The following MAPKAPK3 variants were observed in gnomAD, a reference collection of about 807,000 sequenced individuals.
MAPKAPK3 encodes MAPK activated protein kinase 3, also known as MAP kinase-activated protein kinase 3.
MAPKAPK3 carries 35 observed loss-of-function variants against 49.2 expected under a neutral mutation model. The ratio of observed to expected loss-of-function variants is 0.71; its 90% CI spans 0.54 to 0.94. The LOEUF is 0.94. MAPKAPK3 is among the 40% of genes least tolerant of loss of function. The pLI is 0.00. For synonymous variants in MAPKAPK3, 178 were observed against 188.7 expected, an observed-to-expected ratio of 0.94 and a Z score of 0.46; for missense variants, 398 against 493.1, an observed-to-expected ratio of 0.81 and a Z score of 1.83.
chr3:50,623,657 C>G (rs2032665054), intron 2 of MAPKAPK3, among the ~76,000 whole-genome samples: 1 of 152,248 alleles, frequency 6.6e-6, no homozygotes, highest in South Asian at 2.1e-4. Flanking sequence ...TCTTATCACT[C>G]CCATTATATG....
intron 8 of MAPKAPK3, 93 bp from the exon 9 acceptor site, chr3:50,646,647 C>T: frequency 8.9e-7 from 1 of 1,128,378 alleles, no homozygotes; most frequent in South Asian, 1.3e-5. Flanking sequence ...GCACATGCAG[C>T]CCCTGCCCCA....
In MAPKAPK3 at chr3:50,617,708, A is replaced by C. The variant is rs1375464774; in HGVS notation, c.143A>C (p.Gln48Pro). The C allele has an allele frequency of 8.7e-6, 14 of 1,613,518 alleles. No homozygotes were observed. Among genetic ancestry groups the C allele is most frequent in the African/African-American group, 1.3e-5 (1 of 74,926 alleles). ...AVTDDYQLSK[Q>P]VLGLGVNGKV... ...ACCGACGACTACCAGTTGTCCAAGC[A>C]GGTGCTGGGCCTGGGTGTGAACGGC... Residue 48 changes from glutamine (Q) to proline (P), a missense_variant, in exon 2 of 11, where the codon CAG becomes CCG. Physicochemically the swap from Gln to Pro is moderately conservative, Grantham distance 76. This residue lies in a region of MAPKAPK3 where 123 missense variants were observed against 117.7 expected (regional missense o/e 1.04). Coordinates refer to ENST00000621469, the MANE Select transcript of MAPKAPK3 (RefSeq NM_001243925.2).
intron 2 of MAPKAPK3, among the ~76,000 whole-genome samples, chr3:50,629,433 A>G (rs996075654): frequency 6.6e-6 from 1 of 152,186 alleles, no homozygotes. Flanking sequence ...CATGGCCCCC[A>G]ATACCTTCAG....
At chr3:50,617,111 G>GT (rs2032484933), upstream of MAPKAPK3, 1 of 102,014 alleles carries the variant, frequency 9.8e-6, no homozygotes, top group African/African-American at 3.7e-5. Context: ...GGAGGGGGGG[G>GT]TGGGGAGGGG....
At chr3:50,640,771 TG>T (rs1480634323) in intron 3 of MAPKAPK3, among the ~76,000 whole-genome samples, 1 of 152,224 alleles carries the variant, frequency 6.6e-6, no homozygotes, top group Non-Finnish European at 1.5e-5. Flanking sequence ...TGAGGAGGAC[TG>T]GAAGAGCTGT....
chr3:50,617,594 G>A lies in MAPKAPK3; in HGVS notation c.29G>A (p.Gly10Glu), dbSNP rs149349769. Reference sequence around the variant, plus strand: ...GATGGTGAAACAGCAGAGGAGCAGGGGGGCCCTGTGCCCCCGCCAGTTGCA... The same window carrying A: ...GATGGTGAAACAGCAGAGGAGCAGGAGGGCCCTGTGCCCCCGCCAGTTGCA... The part of the protein sequence containing the change: MDGETAEEQ[G>E]GPVPPPVAPG... Residue 10 changes from glycine (G) to glutamate (E), a missense_variant, in exon 2 of 11, where the codon GGG (glycine) becomes GAG (glutamate). Coordinates refer to ENST00000621469, the MANE Select transcript of MAPKAPK3 (RefSeq NM_001243925.2). The A allele has an allele frequency of 1.9e-5, 30 of 1,592,754 alleles. No individual in the cohort carries two copies. The highest frequency in any genetic ancestry group is 1.8e-4 in the Admixed American group (11 of 59,826).
upstream of MAPKAPK3, chr3:50,611,682 G>T: frequency 6.8e-7 from 1 of 1,465,910 alleles, no homozygotes; most frequent in Non-Finnish European, 9.0e-7. Context: ...CCGGAGTGGG[G>T]ACTCGGCTGG....
At chr3:50,616,226 A>G (rs1197694481), upstream of MAPKAPK3, among the ~76,000 whole-genome samples, 2 of 152,052 alleles carry the variant, frequency 1.3e-5, no homozygotes, top group Admixed American at 6.5e-5. Context: ...TGATGTGCGC[A>G]AGTAGTTCAG....
At chr3:50,634,214 A>T (rs2032977949) in intron 2 of MAPKAPK3, among the ~76,000 whole-genome samples, 1 of 152,152 alleles carries the variant, frequency 6.6e-6, no homozygotes, top group Non-Finnish European at 1.5e-5. Context: ...TTCAGTGGGG[A>T]CCCACACCTC....
At chr3:50,616,140 C>T (rs1168947725), upstream of MAPKAPK3, among the ~76,000 whole-genome samples, 2 of 152,198 alleles carry the variant, frequency 1.3e-5, no homozygotes, top group Non-Finnish European at 2.9e-5. Context: ...AGAGCCCCTG[C>T]GCTGAGCCGC....
intron 2 of MAPKAPK3, among the ~76,000 whole-genome samples, chr3:50,619,800 A>T (rs1163904800): frequency 6.6e-6 from 1 of 152,152 alleles, no homozygotes; most frequent in Non-Finnish European, 1.5e-5. Context: ...CATAGATGCT[A>T]TGTCTGATGA....
At chr3:50,642,603 G>A (rs143120259) in intron 5 of MAPKAPK3, among the ~76,000 whole-genome samples, 88 of 152,302 alleles carry the variant, frequency 5.8e-4, no homozygotes, top group African/African-American at 7.2e-4. Context: ...TAAAGCCAGC[G>A]GGCCCTGACA....
At chr3:50,644,555 G>C in intron 6 of MAPKAPK3, 23 bp downstream of exon 6, 1 of 1,613,180 alleles carries the variant, frequency 6.2e-7, no homozygotes, top group South Asian at 1.1e-5. Context: ...GACATGAGTT[G>C]TAACTCCTCA....
chr3:50,619,547 C>T lies in MAPKAPK3; in HGVS notation c.219+1763C>T, dbSNP rs78693821. ...GGATGAGGAATGAGAGTTTTCATCC[C>T]CCTCTGGGCACTATTTAACCTTCCA... On this transcript the variant is annotated intron_variant, in intron 2 of 10. Coordinates refer to ENST00000621469, the MANE Select transcript of MAPKAPK3 (RefSeq NM_001243925.2). Among the ~76,000 whole-genome samples, 1,151 of 152,218 alleles carry T rather than the reference C, an allele frequency of 7.6e-3. 17 individuals carry two copies. The highest frequency in any genetic ancestry group is 0.027 in the African/African-American group (1,108 of 41,516).
At chr3:50,645,649 C>A in intron 6 of MAPKAPK3, 61 bp from the exon 7 acceptor site, 2 of 1,424,962 alleles carry the variant, frequency 1.4e-6, no homozygotes, top group Non-Finnish European at 9.9e-7. Context: ...AGGCTTTAGG[C>A]TCCTGCCTGG....
intron 5 of MAPKAPK3, 43 bp downstream of exon 5, chr3:50,642,375 ATTGT>A: frequency 7.0e-7 from 1 of 1,435,480 alleles, no homozygotes; most frequent in Non-Finnish European, 9.8e-7. Flanking sequence ...GGAAGAGGAT[ATTGT>A]CCCACTCCAC....
In MAPKAPK3 at chr3:50,648,767, A is replaced by G. The variant is rs11130254; in HGVS notation, c.*721A>G. The stretch of plus-strand genomic sequence containing the variant: ...TTCCCGACCCAAAGGGTGACTTTTC[A>G]TCTGAACTTAAGGTGGGAGATATTT... On this transcript the variant is annotated 3_prime_UTR_variant, in exon 11 of 11. Coordinates refer to ENST00000621469, the MANE Select transcript of MAPKAPK3 (RefSeq NM_001243925.2). 1 of 152,212 alleles carries G rather than the reference A, an allele frequency of 6.6e-6. No homozygotes were observed. The highest frequency in any genetic ancestry group is 2.4e-5 in the African/African-American group (1 of 41,460). The allele number at this position is 152,212 out of a possible 1,614,324, so 9.4% of individuals were successfully genotyped here. A position where few individuals can be genotyped will look rare whatever the true frequency, so the allele number is the denominator to read the frequency against.
chr3:50,626,450 G>T (rs1205756719), intron 2 of MAPKAPK3, among the ~76,000 whole-genome samples: 1 of 152,190 alleles, frequency 6.6e-6, no homozygotes, highest in Non-Finnish European at 1.5e-5. Flanking sequence ...AAGGCTCAGA[G>T]GCTACATTCA....
intron 2 of MAPKAPK3, 117 bp downstream of exon 2, chr3:50,617,901 C>A: frequency 2.6e-6 from 2 of 766,048 alleles, no homozygotes; most frequent in East Asian, 2.6e-5. Flanking sequence ...CATGTTTCAT[C>A]GTCATACTGT....
Sources: allele counts gnomAD v4.1 joint callset (sites outside exome capture counted in the v4.1 genomes callset), GRCh38; gene constraint gnomAD v4.1.1; regional missense constraint gnomAD v4.1.1; transcripts MANE v1.5; gene names NCBI Gene and HGNC (gene_info 2026-07-23, HGNC 2026-07-21).